The following SUSD4 variants were observed in gnomAD, a reference collection of about 807,000 sequenced individuals.
SUSD4 encodes the protein sushi domain containing 4.
SUSD4 carries 41 observed loss-of-function variants against 50.5 expected under a neutral mutation model. The ratio of observed to expected loss-of-function variants is 0.81; its 90% CI spans 0.63 to 1.05. The LOEUF is 1.05. SUSD4 is among the 50% of genes least tolerant of loss of function. The pLI is 0.00. For missense variants in SUSD4, 580 were observed against 634.7 expected (o/e 0.91, Z 0.93); for synonymous variants, 257 against 257.3 (o/e 1.00, Z 0.01).
intron 2 of SUSD4, among the ~76,000 whole-genome samples, chr1:223,295,582 T>G (rs1664766130): frequency 6.6e-6 from 1 of 151,758 alleles, no homozygotes; most frequent in Non-Finnish European, 1.5e-5. Context: ...TGGGTGCAGG[T>G]CGGAAGGTAT....
intron 7 of SUSD4, 114 bp from the exon 8 acceptor site, chr1:223,223,745 C>G (rs767085560): frequency 3.1e-6 from 4 of 1,279,766 alleles, no homozygotes; most frequent in Non-Finnish European, 4.2e-6. Flanking sequence ...GCAGCAGAGT[C>G]CCGTATGGAG....
chr1:223,275,733 T>C (rs994220662), intron 3 of SUSD4, among the ~76,000 whole-genome samples: 6 of 146,346 alleles, frequency 4.1e-5, no homozygotes, highest in African/African-American at 2.5e-5. Context: ...GCAATTACCA[T>C]GAAGTCAAAC....
chr1:223,264,007 T>C, intron 5 of SUSD4: 1 of 985,466 alleles, frequency 1.0e-6, no homozygotes, highest in Non-Finnish European at 1.2e-6. Context: ...AACCAGCATG[T>C]CCAACTTGCC....
intron 3 of SUSD4, among the ~76,000 whole-genome samples, chr1:223,283,638 G>A (rs529942784): frequency 3.5e-4 from 53 of 152,332 alleles, no homozygotes; most frequent in Non-Finnish European, 5.6e-4. Context: ...TGGTGGGACC[G>A]TAAACTAGTT....
intron 2 of SUSD4, among the ~76,000 whole-genome samples, chr1:223,325,130 T>C (rs1572064326): frequency 6.6e-6 from 1 of 152,186 alleles, no homozygotes; most frequent in Non-Finnish European, 1.5e-5. Flanking sequence ...TCTCATTATG[T>C]AGCTTGGCAT....
In SUSD4 at chr1:223,227,540, G is replaced by T. The variant is rs1038014242; in HGVS notation, c.1061+54C>A. ...ATCACTTTCTCCCTCTGCTGCTAAGGGTAGCTGCATTGAGTCAGACCTTGA... is the reference window on the plus strand; with the variant it reads ...ATCACTTTCTCCCTCTGCTGCTAAGTGTAGCTGCATTGAGTCAGACCTTGA... On this transcript the variant is annotated intron_variant, in intron 7 of 8. Transcript: ENST00000366878. This position sits in a 1 kb window ranked among gnomAD's most constrained non-coding sequence, Gnocchi z 4.5. The T allele has an allele frequency of 4.7e-5, 75 of 1,590,156 alleles. No individual in the cohort carries two copies. Among genetic ancestry groups the T allele is most frequent in the African/African-American group, 9.4e-5 (7 of 74,540 alleles).
At chr1:223,225,165 C>T (rs554545363) in intron 7 of SUSD4, among the ~76,000 whole-genome samples, 8 of 151,986 alleles carry the variant, frequency 5.3e-5, no homozygotes, top group African/African-American at 1.2e-4. Context: ...CCACTGTGCC[C>T]GGCCGGAACT....
At chr1:223,272,705 A>G (rs983711938) in intron 3 of SUSD4, among the ~76,000 whole-genome samples, 1 of 152,212 alleles carries the variant, frequency 6.6e-6, no homozygotes, top group Non-Finnish European at 1.5e-5. Context: ...CAATCCACAG[A>G]GTAGATTAAA....
rs1449826547 is a variant in SUSD4, at chr1:223,364,061, G to A, written c.-40C>T. 29 of 152,386 alleles carry A rather than the reference G, an allele frequency of 1.9e-4. No individual in the cohort carries two copies. Among genetic ancestry groups the A allele is most frequent in the Admixed American group, 1.9e-3 (29 of 15,272 alleles). 9.4% of individuals were successfully genotyped at this position (152,386 alleles called of 1,614,324 possible). The stretch of plus-strand genomic sequence containing the variant: ...TTCCGGGACTGTCGGTCTTACCTGT[G>A]GGTCTCATGCATGCAGCTTCCTTCC... On this transcript the variant is annotated 5_prime_UTR_variant, in exon 1 of 9. Transcript: ENST00000366878. The surrounding 1 kb of genome is among the most constrained non-coding windows in gnomAD (Gnocchi z 4.5).
intron 2 of SUSD4, among the ~76,000 whole-genome samples, chr1:223,319,395 A>G (rs1439393158): frequency 6.6e-6 from 1 of 151,214 alleles, no homozygotes; most frequent in African/African-American, 2.4e-5. Flanking sequence ...AAATTTTCGC[A>G]ACCTACTCAT....
Position 223,229,516 on chromosome 1 carries a change from G to A in SUSD4, c.725-128C>T, listed in dbSNP as rs1659751707. On this transcript the variant is annotated intron_variant, in intron 5 of 8. Transcript: ENST00000366878. This position sits in a 1 kb window ranked among gnomAD's most constrained non-coding sequence, Gnocchi z 4.7. Reference sequence around the variant, plus strand: ...CTTATGGATTAATCACCAGGCTACTGAGTTGCATTAGAGATGGTCTCTTTT... The same window carrying A: ...CTTATGGATTAATCACCAGGCTACTAAGTTGCATTAGAGATGGTCTCTTTT... 1 of 868,190 alleles carries A rather than the reference G, an allele frequency of 1.2e-6. No individual in the cohort carries two copies. Among genetic ancestry groups the A allele is most frequent in the Admixed American group, 3.0e-5 (1 of 33,444 alleles). The allele number at this position is 868,190 out of a possible 1,614,324, so 53.8% of individuals were successfully genotyped here.
At chr1:223,353,450 C>T (rs534048328) in intron 2 of SUSD4, among the ~76,000 whole-genome samples, 1 of 152,294 alleles carries the variant, frequency 6.6e-6, no homozygotes, top group East Asian at 1.9e-4. Context: ...CATCCTATGT[C>T]CCTGTGAAGT....
intron 3 of SUSD4, chr1:223,289,377 T>C (rs1664338621): frequency 1.1e-6 from 1 of 886,432 alleles, no homozygotes; most frequent in Non-Finnish European, 1.4e-6. Context: ...TTTAGTTCAC[T>C]TGGAAGAAGC....
intron 2 of SUSD4, among the ~76,000 whole-genome samples, chr1:223,306,041 AG>A (rs1366819911): frequency 2.0e-5 from 3 of 152,252 alleles, no homozygotes; most frequent in African/African-American, 7.2e-5. Flanking sequence ...CACAAAAATA[AG>A]TCTTAATAGC....
chr1:223,283,729 G>T (rs930572706), intron 3 of SUSD4, among the ~76,000 whole-genome samples: 7 of 152,138 alleles, frequency 4.6e-5, no homozygotes, highest in Non-Finnish European at 1.0e-4. Flanking sequence ...TCCCATTACT[G>T]GGTATATACC....
chr1:223,321,216 C>A lies in SUSD4; in HGVS notation c.149-28565G>T, dbSNP rs4661255. 7.4e-3 allele frequency among the ~76,000 whole-genome samples: 1,128 copies of A among 152,272 alleles called. 36 individuals are homozygous for A. In the East Asian group the frequency reaches 0.11, roughly 14 times the overall value. On this transcript the variant is annotated intron_variant, in intron 2 of 8. Coordinates refer to ENST00000366878, the MANE Select transcript of SUSD4 (RefSeq NM_017982.4). ...GCCTACTCCAGGCTCAGGTACCAGA[C>A]CTGAGGGCTCCTTCCTGCTTTTCTT...
intron 3 of SUSD4, among the ~76,000 whole-genome samples, chr1:223,277,342 A>G (rs1393759129): frequency 2.0e-5 from 3 of 151,964 alleles, no homozygotes; most frequent in Non-Finnish European, 4.4e-5. Context: ...CAAGGAACCG[A>G]GACAAGGTTA....
intron 2 of SUSD4, among the ~76,000 whole-genome samples, chr1:223,346,945 AC>A (rs1668065449): frequency 6.7e-6 from 1 of 150,150 alleles, no homozygotes; most frequent in South Asian, 2.1e-4. Flanking sequence ...TTCTGCTAAA[AC>A]CCCCTGCAGT....
chr1:223,306,294 C>A (rs1041935263), intron 2 of SUSD4, among the ~76,000 whole-genome samples: 1 of 152,178 alleles, frequency 6.6e-6, no homozygotes, highest in African/African-American at 2.4e-5. Flanking sequence ...AGCAACTTCA[C>A]AAAATTCTTC....
Sources: gnomAD v4.1 joint callset for allele counts (sites outside exome capture counted in the v4.1 genomes callset) on GRCh38, gnomAD v4.1.1 for gene constraint, Gnocchi (gnomAD v3.1) non-coding constraint, MANE v1.5 for transcripts, NCBI Gene and HGNC (gene_info 2026-07-23, HGNC 2026-07-21) for gene names.